The following BRF1 variants were observed in gnomAD, a reference collection of about 807,000 sequenced individuals.
The protein encoded by BRF1 is BRF1 general transcription factor IIIB subunit.
Under a neutral mutation model 81.7 loss-of-function variants are expected in BRF1, and 59 were observed. That is an observed-to-expected ratio of 0.72 (90% confidence interval 0.59 to 0.90). BRF1 has a LOEUF of 0.90. BRF1 is among the 40% of genes least tolerant of loss of function. The pLI is 0.00. For synonymous variants in BRF1, 491 were observed against 395.6 expected (o/e 1.24, Z -2.86); for missense variants, 1,050 against 936.3 (o/e 1.12, Z -1.58).
At chr14:105,227,051 G>A (rs1036401823) in intron 7 of BRF1, 3 of 361,130 alleles carry the variant, frequency 8.3e-6, no homozygotes, top group African/African-American at 2.2e-5. Flanking sequence ...AGGAGGTTGA[G>A]GCTGTAACGA....
intron 7 of BRF1, chr14:105,226,972 C>T (rs2091920): frequency 6.8e-6 from 4 of 586,770 alleles, no homozygotes; most frequent in Non-Finnish European, 1.1e-5. Context: ...AAATTAGCCA[C>T]GCATGGTGGT....
intron 10 of BRF1, among the ~76,000 whole-genome samples, chr14:105,223,726 G>T (rs949039677): frequency 1.3e-5 from 2 of 152,188 alleles, no homozygotes; most frequent in African/African-American, 4.8e-5. Flanking sequence ...TGGCTTCACA[G>T]GTGTGTGCAG....
intron 5 of BRF1, among the ~76,000 whole-genome samples, chr14:105,251,782 G>A (rs781566402): frequency 6.6e-6 from 1 of 151,942 alleles, no homozygotes; most frequent in Non-Finnish European, 1.5e-5. Context: ...TAAAGAAAGG[G>A]TAGGTCAGAA....
At chr14:105,314,897 A>C in intron 1 of BRF1, 1 of 942,902 alleles carries the variant, frequency 1.1e-6, no homozygotes, top group African/African-American at 1.9e-5. Context: ...CAGGCCGCCG[A>C]GGGAGCGGCG....
At chr14:105,274,436 G>C (rs1348830268) in intron 2 of BRF1, among the ~76,000 whole-genome samples, 1 of 152,168 alleles carries the variant, frequency 6.6e-6, no homozygotes, top group Non-Finnish European at 1.5e-5. Context: ...CACCTGACGA[G>C]ATATACCCAC....
At chr14:105,295,416 G>A (rs1361768858) in intron 1 of BRF1, among the ~76,000 whole-genome samples, 6 of 151,888 alleles carry the variant, frequency 4.0e-5, no homozygotes, top group Admixed American at 6.6e-5. Flanking sequence ...GACGAGCCTG[G>A]TCAACATGGC....
chr14:105,259,643 C>T (rs1278716714), intron 3 of BRF1, among the ~76,000 whole-genome samples: 1 of 152,242 alleles, frequency 6.6e-6, no homozygotes, highest in Non-Finnish European at 1.5e-5. Context: ...GGACACGGGG[C>T]TCACGCCTGT....
chr14:105,258,872 A>C (rs1384187693), intron 3 of BRF1, among the ~76,000 whole-genome samples: 4 of 152,200 alleles, frequency 2.6e-5, no homozygotes, highest in Admixed American at 6.5e-5. Context: ...ATTCAACAGA[A>C]GCTTCATGAA....
At chr14:105,253,036 C>G (rs1034892629) in intron 4 of BRF1, among the ~76,000 whole-genome samples, 1 of 152,230 alleles carries the variant, frequency 6.6e-6, no homozygotes, top group East Asian at 1.9e-4. Flanking sequence ...ACTCCCCTGC[C>G]CCCCACACTG....
At chr14:105,305,273 G>C (rs890519397), upstream of BRF1, among the ~76,000 whole-genome samples, 13 of 152,076 alleles carry the variant, frequency 8.5e-5, no homozygotes, top group African/African-American at 3.1e-4. Flanking sequence ...GTGGTAGCAT[G>C]TGTCTGTAGT....
At chr14:105,300,091 G>A (rs1022433621) in intron 1 of BRF1, among the ~76,000 whole-genome samples, 2 of 152,352 alleles carry the variant, frequency 1.3e-5, no homozygotes, top group African/African-American at 4.8e-5. Context: ...AGCAGCAATC[G>A]GATTCTAAGT....
intron 6 of BRF1, among the ~76,000 whole-genome samples, chr14:105,229,700 G>C (rs1207302664): frequency 5.1e-5 from 7 of 136,048 alleles, no homozygotes; most frequent in South Asian, 5.0e-4. Flanking sequence ...AGCATCTCAG[G>C]AGAGAGAGGC....
At chr14:105,288,877 A>T (rs1032819858) in intron 1 of BRF1, among the ~76,000 whole-genome samples, 1 of 151,694 alleles carries the variant, frequency 6.6e-6, no homozygotes, top group African/African-American at 2.4e-5. Flanking sequence ...ACAAAAAAAA[A>T]CTGAAAAAAA....
rs1429962476 is a variant in BRF1 at position 105,241,340 on chromosome 14, C to G, written c.619G>C (p.Ala207Pro). ...TTCATCCTCTGTAGGAGCCTCAGGG[C>G]AGTCATGGACACCTCGTGGTTCTTC... is the stretch of plus-strand genomic sequence containing the variant. ...GEKNHEVSMT[A>P]LRLLQRMKRD... Residue 207 changes from alanine to proline, a missense_variant, in exon 6 of 18, where the codon GCC becomes CCC. By Grantham distance (27) the Ala-to-Pro change is conservative (BLOSUM62 -1). Around this residue, in one of 2 missense-constraint regions of BRF1, gnomAD observed 1,043 missense variants for 915.4 expected, o/e 1.14. Transcript: ENST00000547530. 6.2e-7 allele frequency: 1 copy of G among 1,612,784 alleles called. No homozygotes were observed. The highest frequency in any genetic ancestry group is 1.7e-5 in the Admixed American group (1 of 60,012).
At chr14:105,240,972 G>T (rs587728551) in intron 6 of BRF1, among the ~76,000 whole-genome samples, 7 of 152,134 alleles carry the variant, frequency 4.6e-5, no homozygotes, top group Admixed American at 3.9e-4. Flanking sequence ...ACGAGACCAC[G>T]GGCAGGGATG....
rs2058280198 is a variant in BRF1, at chr14:105,309,285, G to C, written c.-162+6037C>G. Among the ~76,000 whole-genome samples, 1 of 152,198 alleles carries C rather than the reference G, an allele frequency of 6.6e-6. No individual in the cohort carries two copies. The highest frequency in any genetic ancestry group is 6.5e-5 in the Admixed American group (1 of 15,278). ...GGATAACCACAGTCAAGAGGGGAGA[G>C]TTTTATTCCTGAATCCAGGTCATGC... is the stretch of plus-strand genomic sequence containing the variant. On this transcript the variant is annotated intron_variant, in intron 1 of 17. Coordinates refer to the BRF1 transcript ENST00000327359. The surrounding 1 kb of genome is among the most constrained non-coding windows in gnomAD (Gnocchi z 4.0).
chr14:105,228,296 T>G (rs2054154271), intron 7 of BRF1: 1 of 152,906 alleles, frequency 6.5e-6, no homozygotes, highest in Non-Finnish European at 1.5e-5. Context: ...CTCATGCCTG[T>G]AATCCCAGCA....
upstream of BRF1, among the ~76,000 whole-genome samples, chr14:105,305,911 G>A (rs181500835): frequency 8.0e-4 from 122 of 152,360 alleles, 2 homozygotes; most frequent in Non-Finnish European, 1.3e-3. Context: ...CTCGCACCGC[G>A]CCAAAGAGGA....
intron 1 of BRF1, among the ~76,000 whole-genome samples, chr14:105,294,105 G>A (rs2057633356): frequency 6.6e-6 from 1 of 152,194 alleles, no homozygotes; most frequent in Non-Finnish European, 1.5e-5. Context: ...GGCACCTAGA[G>A]AGCCTGCCTG....
Sources: gnomAD v4.1 joint callset for allele counts (sites outside exome capture counted in the v4.1 genomes callset) on GRCh38, gnomAD v4.1.1 for gene constraint, gnomAD v4.1.1 regional missense constraint, Gnocchi (gnomAD v3.1) non-coding constraint, MANE v1.5 for transcripts, NCBI Gene and HGNC (gene_info 2026-07-23, HGNC 2026-07-21) for gene names.